The following NFASC variants were observed in gnomAD, a reference collection of about 807,000 sequenced individuals.
The protein encoded by NFASC is neurofascin homolog.
In NFASC, 43 loss-of-function variants were observed where a neutral mutation model predicts 147.5. That is an observed-to-expected ratio of 0.29 (90% CI 0.23 to 0.38). The LOEUF (loss-of-function observed/expected upper bound fraction) is 0.38. Among genes scored for constraint, NFASC ranks in the 10% least tolerant of loss-of-function variants. NFASC has a pLI of 1.00. For missense variants in NFASC, 1,320 were observed against 1,689.0 expected, an observed-to-expected ratio of 0.78 and a Z score of 3.83; for synonymous variants, 622 against 665.5, an observed-to-expected ratio of 0.93 and a Z score of 1.01.
chr1:204,973,155 C>T, intron 11 of NFASC, 121 bp from the exon 12 acceptor site: 2 of 997,956 alleles, frequency 2.0e-6, no homozygotes, highest in Non-Finnish European at 3.0e-6. Flanking sequence ...TGTCATCTGG[C>T]CCCCCATCTG....
intron 2 of NFASC, among the ~76,000 whole-genome samples, chr1:204,922,589 T>C (rs1049607064): frequency 6.6e-6 from 1 of 152,184 alleles, no homozygotes; most frequent in Non-Finnish European, 1.5e-5. Context: ...TCTGAGAAGT[T>C]ATTTCCCCCA....
intron 10 of NFASC, among the ~76,000 whole-genome samples, chr1:204,970,008 G>A (rs150500071): frequency 0.015 from 2,186 of 150,398 alleles, 49 homozygotes; most frequent in African/African-American, 0.047. Flanking sequence ...CCTGGGAGGC[G>A]GAAGTTGCAG....
chr1:204,828,915 C>A, intron 1 of NFASC, 133 bp downstream of exon 1: 1 of 476,192 alleles, frequency 2.1e-6, no homozygotes, highest in Non-Finnish European at 2.7e-6. Flanking sequence ...ACATTCCCAT[C>A]CCTTCCCCTC....
rs1263521019 is a variant in NFASC, at chr1:205,022,419, T to C, written c.*5880T>C. ...ACACCCATATCCCCCACCATTCCAA[T>C]TTGTTCTTTCCCGTGGGGAATTTTT... On this transcript the variant is annotated 3_prime_UTR_variant, in exon 30 of 30. Transcript: ENST00000339876. 1 of 145,304 alleles carries C rather than the reference T, an allele frequency of 6.9e-6. No individual in the cohort carries two copies. The highest frequency in any genetic ancestry group is 2.6e-5 in the African/African-American group (1 of 39,014). The allele number at this position is 145,304 out of a possible 1,614,324, so 9.0% of individuals were successfully genotyped here. A position where few individuals can be genotyped will look rare whatever the true frequency, so the allele number is the denominator to read the frequency against.
chr1:204,901,457 G>A (rs187525671), intron 1 of NFASC, among the ~76,000 whole-genome samples: 4 of 152,258 alleles, frequency 2.6e-5, no homozygotes, highest in African/African-American at 9.6e-5. Context: ...TGGAGTGCTC[G>A]CTTGTGTTAA....
Position 204,991,273 on chromosome 1 carries a change from TG to T in NFASC, c.2768-16del, listed in dbSNP as rs1373424718. The T allele has an allele frequency of 2.5e-6, 4 of 1,612,438 alleles. No individual in the cohort carries two copies. Among genetic ancestry groups the T allele is most frequent in the Non-Finnish European group, 3.4e-6 (4 of 1,179,224 alleles). On this transcript the variant is annotated intron_variant, in intron 23 of 29. Transcript: ENST00000339876. ...CCTTTCTCCCTCTGTCTGGCCATCT[TG>T]GGCGCTGTGTTCTGAAGCTACTCCA...
In NFASC at chr1:204,987,169, T is replaced by C; in HGVS notation, c.2471-249T>C. ...GAGTAGTTGCTAGAAGAAAACCTGA[T>C]TTACTTCTTCCTCTCTTAAATAGCA... On this transcript the variant is annotated intron_variant, in intron 21 of 29. Transcript: ENST00000339876. This position sits in a 1 kb window ranked among gnomAD's most constrained non-coding sequence, Gnocchi z 4.4. 1.9e-6 allele frequency: 1 copy of C among 537,066 alleles called. No homozygotes were observed. The highest frequency in any genetic ancestry group is 3.3e-6 in the Non-Finnish European group (1 of 302,052). 33.3% of individuals were successfully genotyped at this position (537,066 alleles called of 1,614,324 possible). A position where few individuals can be genotyped will look rare whatever the true frequency, so the allele number is the denominator to read the frequency against.
rs143123164 is a variant in NFASC at position 204,988,698 on chromosome 1, G to A, written c.2659G>A (p.Val887Met). Residue 887 changes from valine to methionine, a missense_variant, in exon 23 of 30, where the codon GTG becomes ATG. Val to Met is a conservative substitution (Grantham distance 21). Transcript: ENST00000339876. ...CTCTCCCAATCAGACCAAGTTCACG[G>A]TGCAAAGAACGGACCCCGTGTCACG... is the stretch of plus-strand genomic sequence containing the variant. ...NFSPNQTKFT[V>M]QRTDPVSRYR... 4.1e-5 allele frequency: 66 copies of A among 1,614,236 alleles called. No individual in the cohort carries two copies. In the African/African-American group the frequency reaches 8.1e-4, roughly 20 times the overall value.
chr1:204,892,910 G>A (rs2082672505), intron 1 of NFASC, among the ~76,000 whole-genome samples: 1 of 152,210 alleles, frequency 6.6e-6, no homozygotes, highest in Non-Finnish European at 1.5e-5. Flanking sequence ...AGGTTCTAAG[G>A]AAGTCTGTAT....
In NFASC at chr1:204,975,354, G is replaced by A. The variant is rs377578078; in HGVS notation, c.1642G>A (p.Asp548Asn). ...TVQLECRVKH[D>N]PSLKLTVSWL... is the part of the protein sequence containing the mutation. ...GCAGCTGGAGTGTCGGGTGAAGCAC[G>A]ACCCCTCCCTGAAACTCACCGTCTC... The change falls in exon 15 of 30, where the codon GAC (aspartate) becomes AAC (asparagine). Residue 548 changes from aspartate (D) to asparagine (N), a missense_variant. Physicochemically the swap from Asp to Asn is conservative, Grantham distance 23. Transcript: ENST00000339876. The surrounding 1 kb of genome is among the most constrained non-coding windows in gnomAD (Gnocchi z 4.0). The A allele has an allele frequency of 6.8e-6, 11 of 1,613,950 alleles. No homozygotes were observed. Among genetic ancestry groups the A allele is most frequent in the African/African-American group, 1.3e-5 (1 of 74,900 alleles).
intron 1 of NFASC, among the ~76,000 whole-genome samples, chr1:204,835,233 T>C (rs77052586): frequency 7.0e-6 from 1 of 142,574 alleles, no homozygotes; most frequent in African/African-American, 2.6e-5. Context: ...TTTTTTTTTT[T>C]TTTTTGAGAT....
intron 21 of NFASC, among the ~76,000 whole-genome samples, chr1:204,985,441 C>T (rs2095597599): frequency 6.6e-6 from 1 of 152,198 alleles, no homozygotes; most frequent in Non-Finnish European, 1.5e-5. Flanking sequence ...GGGTAACTTG[C>T]TACCTTTCAA....
At chr1:204,983,630 G>A (rs2095550123) in intron 21 of NFASC, among the ~76,000 whole-genome samples, 1 of 152,172 alleles carries the variant, frequency 6.6e-6, no homozygotes, top group African/African-American at 2.4e-5. Flanking sequence ...GGGGCCTCCT[G>A]TTGGCACCTG....
At chr1:204,933,302 G>A (rs2092533521) in intron 2 of NFASC, among the ~76,000 whole-genome samples, 1 of 152,200 alleles carries the variant, frequency 6.6e-6, no homozygotes, top group African/African-American at 2.4e-5. Flanking sequence ...GAATGCGGGG[G>A]AGATGGAGAA....
intron 3 of NFASC, among the ~76,000 whole-genome samples, chr1:204,949,659 T>A (rs1406158298): frequency 6.6e-6 from 1 of 152,248 alleles, no homozygotes; most frequent in African/African-American, 2.4e-5. Context: ...ACCACCAGCA[T>A]GGCATTGCCC....
chr1:204,952,882 C>A (rs1014977633), intron 5 of NFASC, among the ~76,000 whole-genome samples: 2 of 152,168 alleles, frequency 1.3e-5, no homozygotes, highest in Non-Finnish European at 2.9e-5. Context: ...TGAGGCCAAG[C>A]AGAGGCAGCC....
At chr1:204,900,688 G>A (rs1260884774) in intron 1 of NFASC, among the ~76,000 whole-genome samples, 1 of 152,162 alleles carries the variant, frequency 6.6e-6, no homozygotes, top group Non-Finnish European at 1.5e-5. Context: ...TGCTGGGGGA[G>A]GTGGTTTGCA....
intron 1 of NFASC, among the ~76,000 whole-genome samples, chr1:204,890,694 C>T (rs142405898): frequency 0.038 from 5,709 of 152,032 alleles, 333 homozygotes; most frequent in African/African-American, 0.13. Flanking sequence ...CTCAGCCTCC[C>T]GAGTGGCTGG....
chr1:204,933,801 T>A (rs565499441), intron 2 of NFASC, among the ~76,000 whole-genome samples: 1 of 151,038 alleles, frequency 6.6e-6, no homozygotes, highest in East Asian at 2.0e-4. Context: ...CTAGTATGCA[T>A]ATATAGGGAG....
Sources: allele counts gnomAD v4.1 joint callset (sites outside exome capture counted in the v4.1 genomes callset), GRCh38; gene constraint gnomAD v4.1.1; non-coding constraint Gnocchi (gnomAD v3.1); transcripts MANE v1.5; gene names NCBI Gene and HGNC (gene_info 2026-07-23, HGNC 2026-07-21).